PLPPR3: variants seen among roughly 807,000 people sequenced by gnomAD.
The protein encoded by PLPPR3 is phospholipid phosphatase related 3.
A neutral mutation model predicts 27.3 loss-of-function variants in PLPPR3; 14 were observed. The ratio of observed to expected loss-of-function variants is 0.51; its 90% confidence interval spans 0.34 to 0.80. The LOEUF (loss-of-function observed/expected upper bound fraction) is 0.80, where lower values mean the gene tolerates loss of function less well. PLPPR3 is among the 30% of genes least tolerant of loss of function. The probability of loss-of-function intolerance (pLI) is 0.01; values close to 1 mark genes in which losing one functional copy is unlikely to be tolerated. For missense variants in PLPPR3, 1,287 were observed against 1,056.9 expected, an observed-to-expected ratio of 1.22 and a Z score of -3.02; for synonymous variants, 671 against 508.0, an observed-to-expected ratio of 1.32 and a Z score of -4.32.
intron 2 of PLPPR3, among the ~76,000 whole-genome samples, chr19:819,413 T>C (rs888195965): frequency 1.3e-5 from 2 of 150,984 alleles, no homozygotes; most frequent in African/African-American, 4.9e-5. Context: ...CCCGAGTAGA[T>C]GGGATTACAG....
chr19:813,080 C>G lies in PLPPR3; in HGVS notation c.1647G>C (p.Pro549=). ...VIAMSKAPGA[P]GPKAAETASS... The stretch of plus-strand genomic sequence containing the variant: ...ACGCCGTCTCGGCCGCCTTGGGGCC[C>G]GGCGCGCCCGGAGCCTTGGACATGG... Residue 549 remains proline, a synonymous_variant, in exon 8 of 8, where the codon CCG becomes CCC. Transcript: ENST00000520876. This position sits in a 1 kb window ranked among gnomAD's most constrained non-coding sequence, Gnocchi z 4.1. 1.3e-6 allele frequency: 2 copies of G among 1,496,110 alleles called. No homozygotes were observed. Among genetic ancestry groups the G allele is most frequent in the Non-Finnish European group, 1.8e-6 (2 of 1,133,466 alleles). 92.7% of individuals were successfully genotyped at this position (1,496,110 alleles called of 1,614,324 possible).
At chr19:823,445 A>AAAAAAACAAC (rs1555703840), upstream of PLPPR3, among the ~76,000 whole-genome samples, 2 of 132,710 alleles carry the variant, frequency 1.5e-5, no homozygotes, top group Non-Finnish European at 3.1e-5. Flanking sequence ...CTATCTCAAA[A>AAAAAAACAAC]AAAAAAAAAA....
At chr19:819,916 A>G (rs2035120999) in intron 2 of PLPPR3, among the ~76,000 whole-genome samples, 1 of 152,068 alleles carries the variant, frequency 6.6e-6, no homozygotes, top group Admixed American at 6.6e-5. Flanking sequence ...ATCTTGGCTC[A>G]CTGCAACCTC....
chr19:813,798 C>T lies in PLPPR3; in HGVS notation c.929G>A (p.Gly310Asp). 1 of 1,523,678 alleles carries T rather than the reference C, an allele frequency of 6.6e-7. No individual in the cohort carries two copies. 94.4% of individuals were successfully genotyped at this position (1,523,678 alleles called of 1,614,324 possible). ...ATTCTGCTGATAAACCGAGTCGTGGCCCCGCTGCGTCAGGGCCCGCAGCGC... is the reference window on the plus strand; with the variant it reads ...ATTCTGCTGATAAACCGAGTCGTGGTCCCGCTGCGTCAGGGCCCGCAGCGC... ...KDALRALTQR[G>D]HDSVYQQNKS... The change falls in exon 8 of 8, where the codon GGC (glycine) becomes GAC (aspartate). Residue 310 changes from glycine (G) to aspartate (D), a missense_variant. Physicochemically the swap from Gly to Asp is moderately conservative, Grantham distance 94 (BLOSUM62 -1). Coordinates refer to ENST00000520876, the MANE Select transcript of PLPPR3 (RefSeq NM_001270366.2). The surrounding 1 kb of genome is among the most constrained non-coding windows in gnomAD (Gnocchi z 4.1).
chr19:817,435 G>T (rs971927425), intron 2 of PLPPR3, among the ~76,000 whole-genome samples: 5 of 151,824 alleles, frequency 3.3e-5, no homozygotes, highest in African/African-American at 1.2e-4. Flanking sequence ...ACCACACCTG[G>T]CTAATTTTTT....
upstream of PLPPR3, among the ~76,000 whole-genome samples, chr19:823,445 A>AAAAAAAAAAAC (rs1555703838): frequency 4.5e-5 from 6 of 132,788 alleles, no homozygotes; most frequent in South Asian, 4.8e-4. Context: ...CTATCTCAAA[A>AAAAAAAAAAAC]AAAAAAAAAA....
intron 2 of PLPPR3, among the ~76,000 whole-genome samples, chr19:817,759 C>T (rs2035083466): frequency 6.6e-6 from 1 of 152,152 alleles, no homozygotes; most frequent in African/African-American, 2.4e-5. Context: ...TCATTGAGTG[C>T]CTGTTGCATG....
chr19:813,090 G>A lies in PLPPR3; in HGVS notation c.1637C>T (p.Pro546Leu). The change falls in exon 8 of 8, where the codon CCG becomes CTG. Residue 546 changes from proline (P) to leucine (L), a missense_variant. By Grantham distance (98) the Pro-to-Leu change is moderately conservative (BLOSUM62 -3). Transcript: ENST00000520876. The surrounding 1 kb of genome is among the most constrained non-coding windows in gnomAD (Gnocchi z 4.1). Reference sequence around the variant, plus strand: ...GGCCGCCTTGGGGCCCGGCGCGCCCGGAGCCTTGGACATGGCGATGACCTG... The same window carrying A: ...GGCCGCCTTGGGGCCCGGCGCGCCCAGAGCCTTGGACATGGCGATGACCTG... The part of the protein sequence containing the change: ...LLQVIAMSKA[P>L]GAPGPKAAET... The A allele has an allele frequency of 6.7e-7, 1 of 1,498,532 alleles. No individual in the cohort carries two copies. Among genetic ancestry groups the A allele is most frequent in the Non-Finnish European group, 8.8e-7 (1 of 1,134,852 alleles). 92.8% of individuals were successfully genotyped at this position (1,498,532 alleles called of 1,614,324 possible).
Position 812,999 on chromosome 19 carries a change from G to A in PLPPR3, c.1728C>T (p.Asp576=). The change falls in exon 8 of 8, where the codon GAC becomes GAT. Residue 576 remains aspartate (D), a synonymous_variant. Transcript: ENST00000520876. ...SSQYRSPSDR[D]SASIVTIDAH... ...CGTCGATGGTCACGATGCTGGCGGA[G>A]TCGCGGTCCGACGGCGACCGGTACT... 6.6e-7 allele frequency: 1 copy of A among 1,515,196 alleles called. No homozygotes were observed. The highest frequency in any genetic ancestry group is 8.8e-7 in the Non-Finnish European group (1 of 1,139,042). The allele number at this position is 1,515,196 out of a possible 1,614,324, so 93.9% of individuals were successfully genotyped here.
chr19:821,378 G>C, intron 2 of PLPPR3, 107 bp downstream of exon 2: 1 of 940,096 alleles, frequency 1.1e-6, no homozygotes. Context: ...CCGCCCCGAG[G>C]CCACTGCCGG....
upstream of PLPPR3, among the ~76,000 whole-genome samples, chr19:823,446 A>AAACAAACAAAC (rs1555703851): frequency 1.2e-5 from 1 of 84,268 alleles, no homozygotes; most frequent in African/African-American, 8.6e-5. Flanking sequence ...TATCTCAAAA[A>AAACAAACAAAC]AAAAAAAAAA....
In PLPPR3 at chr19:814,566, C is replaced by T; in HGVS notation, c.699G>A (p.Leu233=). The T allele has an allele frequency of 6.2e-7, 1 of 1,612,262 alleles. No homozygotes were observed. Among genetic ancestry groups the T allele is most frequent in the African/African-American group, 1.3e-5 (1 of 75,052 alleles). ...NSVISDTTKL[L]KPILVFAFAI... ...CAAAGGCGAAGACCAGGATGGGCTT[C>T]AGCAGCTTGGTGGTGTCCGAGATGA... The change falls in exon 7 of 8, where the codon CTG becomes CTA. Residue 233 remains leucine, a synonymous_variant. Coordinates refer to ENST00000520876, the MANE Select transcript of PLPPR3 (RefSeq NM_001270366.2).
At position 812,908 on chromosome 19, in the gene PLPPR3, C is replaced by G; in HGVS notation, c.1819G>C (p.Ala607Pro). The change falls in exon 8 of 8, where the codon GCG (alanine) becomes CCG (proline). Residue 607 changes from alanine to proline, a missense_variant. Physicochemically the swap from Ala to Pro is conservative, Grantham distance 27. Coordinates refer to ENST00000520876, the MANE Select transcript of PLPPR3 (RefSeq NM_001270366.2). ...GCCTCCGCCTTGGCCCCGCCGCCCG[C>G]CGCCTTCCACTCCCAGGGCGCGCCG... is the stretch of plus-strand genomic sequence containing the variant. ...AGGAPWEWKA[A>P]GGGAKAEADG... 7.7e-7 allele frequency: 1 copy of G among 1,299,296 alleles called. No individual in the cohort carries two copies. Among genetic ancestry groups the G allele is most frequent in the Non-Finnish European group, 9.8e-7 (1 of 1,019,344 alleles). The allele number at this position is 1,299,296 out of a possible 1,614,324, so 80.5% of individuals were successfully genotyped here.
rs758565841 is a variant in PLPPR3 at position 815,646 on chromosome 19, G to A, written c.261+20C>T. ...CCGTGGTGCCCACAGGCTGGCACAG[G>A]CCCCGGTGCAGGTGCTCACCGAGGC... is the stretch of plus-strand genomic sequence containing the variant. On this transcript the variant is annotated intron_variant, in intron 3 of 7. Transcript: ENST00000520876. 7.1e-6 allele frequency: 11 copies of A among 1,558,234 alleles called. No individual in the cohort carries two copies. The East Asian group carries it at 2.4e-4, about 34-fold the overall frequency.
chr19:815,133 C>T (rs775639782), intron 4 of PLPPR3, 52 bp from the exon 5 acceptor site: 2 of 1,600,338 alleles, frequency 1.2e-6, no homozygotes, highest in Admixed American at 3.4e-5. Context: ...CGGGACAGCC[C>T]CACCCCCTGC....
upstream of PLPPR3, among the ~76,000 whole-genome samples, chr19:822,892 G>A (rs2035169691): frequency 6.6e-6 from 1 of 152,044 alleles, no homozygotes; most frequent in African/African-American, 2.4e-5. Flanking sequence ...AGGTCGAGGC[G>A]GGCGGATCAC....
rs765211743 is a variant in PLPPR3, at chr19:815,028, G to A, written c.457C>T (p.Leu153=). 1.2e-6 allele frequency: 2 copies of A among 1,610,214 alleles called. No homozygotes were observed. The highest frequency in any genetic ancestry group is 2.2e-5 in the East Asian group (1 of 44,890). The part of the protein sequence containing the change: ...ATALVTDVIQ[L]ATGYHTPFFL... ...AAGGGAGTGTGGTAACCCGTGGCCA[G>A]CTGGATCACGTCCGTCACCAGGGCT... Residue 153 remains leucine (L), a synonymous_variant, in exon 5 of 8, where the codon CTG becomes TTG. Coordinates refer to ENST00000520876, the MANE Select transcript of PLPPR3 (RefSeq NM_001270366.2).
In PLPPR3 at chr19:813,591, C is replaced by T; in HGVS notation, c.1136G>A (p.Arg379Lys). 2 of 1,551,498 alleles carry T rather than the reference C, an allele frequency of 1.3e-6. No individual in the cohort carries two copies. Among genetic ancestry groups the T allele is most frequent in the Non-Finnish European group, 1.7e-6 (2 of 1,149,830 alleles). The change falls in exon 8 of 8, where the codon AGG becomes AAG. Residue 379 changes from arginine to lysine, a missense_variant. Transcript: ENST00000520876. The surrounding 1 kb of genome is among the most constrained non-coding windows in gnomAD (Gnocchi z 4.1). ...GTCGTCCAGCGAGGGCGCGCTGGCC[C>T]TGGGCAGCGTGTGGCTGAAGGTCAC... ...NMVTFSHTLP[R>K]ASAPSLDDPA...
In PLPPR3 at chr19:813,829, T is replaced by C; in HGVS notation, c.898A>G (p.Lys300Glu). 6.7e-7 allele frequency: 1 copy of C among 1,490,380 alleles called. No homozygotes were observed. Among genetic ancestry groups the C allele is most frequent in the East Asian group, 2.6e-5 (1 of 39,020 alleles). 92.3% of individuals were successfully genotyped at this position (1,490,380 alleles called of 1,614,324 possible). A position where few individuals can be genotyped will look rare whatever the true frequency, so the allele number is the denominator to read the frequency against. ...AEKPAAPAPAKDALRALTQRG... is the reference protein window; with the variant it reads ...AEKPAAPAPAEDALRALTQRG... ...TGCGTCAGGGCCCGCAGCGCGTCCT[T>C]GGCGGGGGCCGGGGCCGCGGGCTTC... Residue 300 changes from lysine to glutamate, a missense_variant, in exon 8 of 8, where the codon AAG becomes GAG. Transcript: ENST00000520876. The surrounding 1 kb of genome is among the most constrained non-coding windows in gnomAD (Gnocchi z 4.1).
Sources: allele counts gnomAD v4.1 joint callset (sites outside exome capture counted in the v4.1 genomes callset), GRCh38; gene constraint gnomAD v4.1.1; non-coding constraint Gnocchi (gnomAD v3.1); transcripts MANE v1.5; gene names NCBI Gene and HGNC (gene_info 2026-07-23, HGNC 2026-07-21).